Variants in STARD13 observed in about 807,000 individuals in gnomAD.
STARD13 encodes stAR-related lipid transfer protein 13.
STARD13 carries 62 observed loss-of-function variants against 106.4 expected under a neutral mutation model. That is an observed-to-expected ratio of 0.58 (90% CI 0.48 to 0.72). The LOEUF (loss-of-function observed/expected upper bound fraction) is 0.72, where lower values mean the gene tolerates loss of function less well. Ranked by LOEUF, STARD13 falls within the 30% of genes least tolerant of loss-of-function variation. The probability of loss-of-function intolerance (pLI) is 0.00; values close to 1 mark genes in which losing one functional copy is unlikely to be tolerated. For synonymous variants in STARD13, 565 were observed against 553.0 expected (o/e 1.02, Z -0.31); for missense variants, 1,387 against 1,424.0 (o/e 0.97, Z 0.42).
intron 1 of STARD13, among the ~76,000 whole-genome samples, chr13:33,263,300 C>T (rs1470745845): frequency 6.6e-6 from 1 of 152,022 alleles, no homozygotes; most frequent in Non-Finnish European, 1.5e-5. Flanking sequence ...CAAATGTTCC[C>T]TGGAGGGCAA....
intron 1 of STARD13, among the ~76,000 whole-genome samples, chr13:33,325,447 T>A (rs2138541359): frequency 6.6e-6 from 1 of 152,314 alleles, no homozygotes; most frequent in Middle Eastern, 3.4e-3. Context: ...GAACATAAAG[T>A]CTTGGTATAA....
the STARD13 span, among the ~76,000 whole-genome samples, chr13:33,596,822 A>G: frequency 1.3e-5 from 2 of 152,222 alleles, no homozygotes; most frequent in African/African-American, 2.4e-5. Context: ...TTCACCTAAC[A>G]TAACGACCTA....
intron 1 of STARD13, among the ~76,000 whole-genome samples, chr13:33,338,280 C>T (rs1325377417): frequency 3.3e-5 from 5 of 152,264 alleles, no homozygotes; most frequent in Middle Eastern, 3.4e-3. Flanking sequence ...CTTTTAGACT[C>T]ACGGTCTAGT....
At chr13:33,332,476 A>C (rs2077847400) in intron 1 of STARD13, among the ~76,000 whole-genome samples, 1 of 152,208 alleles carries the variant, frequency 6.6e-6, no homozygotes. Context: ...AAGGGACCAC[A>C]GAGAGATTTC....
the STARD13 span, among the ~76,000 whole-genome samples, chr13:33,664,921 C>G: frequency 5.8e-4 from 88 of 152,334 alleles, 2 homozygotes; most frequent in African/African-American, 2.1e-3. Context: ...CCACTACGCC[C>G]GGCCAAAAAC....
the STARD13 span, among the ~76,000 whole-genome samples, chr13:33,667,928 C>A: frequency 6.6e-6 from 1 of 152,252 alleles, no homozygotes; most frequent in Non-Finnish European, 1.5e-5. Flanking sequence ...ACACTTGTGC[C>A]TGTCACTGAG....
chr13:33,527,329 T>C, the STARD13 span, among the ~76,000 whole-genome samples: 1 of 152,064 alleles, frequency 6.6e-6, no homozygotes, highest in African/African-American at 2.4e-5. Context: ...ACACAAAAAA[T>C]TTAAAAATGC....
At chr13:33,415,877 G>A in the STARD13 span, among the ~76,000 whole-genome samples, 1 of 152,190 alleles carries the variant, frequency 6.6e-6, no homozygotes, top group Non-Finnish European at 1.5e-5. Flanking sequence ...GATTAGAAAA[G>A]TGCATTAGCT....
At chr13:33,111,652 T>C (rs1379200379) in intron 10 of STARD13, 126 bp downstream of exon 10, 4 of 637,880 alleles carry the variant, frequency 6.3e-6, no homozygotes, top group Non-Finnish European at 1.1e-5. Flanking sequence ...ACCAGAGCTA[T>C]AACATATACT....
At chr13:33,348,994 G>T (rs1304639257) in exon 2 of STARD13, 1 of 622,796 alleles carries the variant, frequency 1.6e-6, no homozygotes, top group African/African-American at 1.8e-5. Flanking sequence ...TCCCCAGAAT[G>T]CTTTCAGGCT....
chr13:33,486,443 A>G, the STARD13 span, among the ~76,000 whole-genome samples: 1 of 152,188 alleles, frequency 6.6e-6, no homozygotes, highest in Non-Finnish European at 1.5e-5. Flanking sequence ...GCACAGTAGG[A>G]GATTAACAAC....
intron 1 of STARD13, among the ~76,000 whole-genome samples, chr13:33,328,684 C>T (rs778165205): frequency 3.9e-5 from 6 of 152,198 alleles, no homozygotes; most frequent in Non-Finnish European, 7.3e-5. Context: ...CTTATAAATA[C>T]AGTATTAATA....
chr13:33,250,783 T>C (rs548970202), intron 1 of STARD13, among the ~76,000 whole-genome samples: 1 of 152,340 alleles, frequency 6.6e-6, no homozygotes, highest in South Asian at 2.1e-4. Context: ...AAGCATCCCT[T>C]CCAGATGTCT....
chr13:33,500,553 T>A, the STARD13 span, among the ~76,000 whole-genome samples: 2 of 152,174 alleles, frequency 1.3e-5, no homozygotes, highest in Non-Finnish European at 2.9e-5. Context: ...ATTAAAGATG[T>A]TCAATGAAAA....
chr13:33,207,583 AGATTTTGTTCAGGGTCCCCT>A (rs1402402991), intron 1 of STARD13, among the ~76,000 whole-genome samples: 2 of 152,088 alleles, frequency 1.3e-5, no homozygotes, highest in Admixed American at 6.5e-5. Context: ...GTAACACGAG[AGATTTTGTTCAGGGTCCCCT>A]GATTTCGTCC....
Position 33,129,679 on chromosome 13 carries a change from C to T in STARD13, c.998G>A (p.Ser333Asn), listed in dbSNP as rs2138168234. ...LPCSGKSSGE[S>N]SPSEHSSSGV... ...GCTGCTGCTGTGCTCCGACGGGCTG[C>T]TCTCGCCACTCGACTTGCCAGAGCA... The change falls in exon 5 of 14, where the codon AGC (serine) becomes AAC (asparagine). Residue 333 changes from serine (S) to asparagine (N), a missense_variant. Ser to Asn is a conservative substitution (Grantham distance 46). Coordinates refer to ENST00000336934, the MANE Select transcript of STARD13 (RefSeq NM_178006.4). 6.2e-7 allele frequency: 1 copy of T among 1,614,052 alleles called. No homozygotes were observed. Among genetic ancestry groups the T allele is most frequent in the Non-Finnish European group, 8.5e-7 (1 of 1,180,048 alleles).
chr13:33,295,254 A>G (rs149058520), intron 1 of STARD13, among the ~76,000 whole-genome samples: 1 of 152,330 alleles, frequency 6.6e-6, no homozygotes, highest in East Asian at 1.9e-4. Context: ...CATTTTAAAA[A>G]TCCTGTAAAG....
the STARD13 span, among the ~76,000 whole-genome samples, chr13:33,619,300 T>C: frequency 6.6e-6 from 1 of 152,148 alleles, no homozygotes; most frequent in Non-Finnish European, 1.5e-5. Context: ...AAAATAATAC[T>C]CTCTTTAATA....
At chr13:33,171,980 A>T (rs1296968819) in intron 1 of STARD13, among the ~76,000 whole-genome samples, 1 of 152,218 alleles carries the variant, frequency 6.6e-6, no homozygotes, top group Non-Finnish European at 1.5e-5. Context: ...GGCACCGTGG[A>T]AACAAACCAT....
Sources: gnomAD v4.1 joint callset for allele counts (sites outside exome capture counted in the v4.1 genomes callset) on GRCh38, gnomAD v4.1.1 for gene constraint, MANE v1.5 for transcripts, NCBI Gene and HGNC (gene_info 2026-07-23, HGNC 2026-07-21) for gene names.